Variants in TENM1 observed in about 807,000 individuals in gnomAD.
TENM1 encodes teneurin transmembrane protein 1.
Under a neutral mutation model 174.8 loss-of-function variants are expected in TENM1, and 35 were observed. The observed-to-expected ratio is 0.20, with a 90% CI of 0.15 to 0.27. TENM1 has a LOEUF of 0.27. Among genes scored for constraint, TENM1 ranks in the 10% least tolerant of loss-of-function variants. The pLI, the probability that TENM1 is intolerant of heterozygous loss-of-function variation, is 1.00. For synonymous variants in TENM1, 781 were observed against 798.7 expected (o/e 0.98, Z 0.37); for missense variants, 1,633 against 2,130.1 (o/e 0.77, Z 4.59).
the TENM1 span, among the ~76,000 whole-genome samples, chrX:125,179,394 G>T: frequency 1.8e-5 from 2 of 110,364 alleles, no homozygotes; most frequent in Admixed American, 1.9e-4. Context: ...CAGGAGGACG[G>T]CTTGGGGCCA....
the TENM1 span, among the ~76,000 whole-genome samples, chrX:125,008,975 A>G: frequency 9.0e-6 from 1 of 110,929 alleles, no homozygotes; most frequent in African/African-American, 3.3e-5. Flanking sequence ...TAAAAGAGCT[A>G]GAGAAGCAAG....
intron 22 of TENM1, among the ~76,000 whole-genome samples, chrX:124,459,398 G>A (rs928689170): frequency 1.8e-5 from 2 of 111,065 alleles, no homozygotes; most frequent in African/African-American, 6.6e-5. Context: ...AGGTACTAAT[G>A]TAATTTTTTA....
intron 27 of TENM1, among the ~76,000 whole-genome samples, chrX:124,397,415 G>T (rs900030279): frequency 1.8e-5 from 2 of 111,614 alleles, no homozygotes; most frequent in Non-Finnish European, 3.8e-5. Context: ...TGAACTCTGA[G>T]CTATGATCAC....
intron 10 of TENM1, among the ~76,000 whole-genome samples, chrX:124,643,748 T>C (rs1338804466): frequency 9.0e-6 from 1 of 110,634 alleles, no homozygotes; most frequent in African/African-American, 3.3e-5. Context: ...ATCTTGGTTA[T>C]TCTACAGATA....
intron 11 of TENM1, among the ~76,000 whole-genome samples, chrX:124,614,776 G>A (rs898755434): frequency 3.6e-5 from 4 of 112,126 alleles, no homozygotes; most frequent in Non-Finnish European, 5.6e-5. Flanking sequence ...CCAGCTACTC[G>A]GGAGGCTGAG....
chrX:124,584,739 G>C (rs1329062438), intron 11 of TENM1, among the ~76,000 whole-genome samples: 1 of 111,407 alleles, frequency 9.0e-6, no homozygotes, highest in African/African-American at 3.3e-5. Context: ...ACACAGACTG[G>C]CAAATTGGAT....
At chrX:124,852,504 A>C (rs1276538943) in intron 3 of TENM1, among the ~76,000 whole-genome samples, 1 of 111,326 alleles carries the variant, frequency 9.0e-6, no homozygotes. Context: ...TAAATAAAAA[A>C]ATGTATATAT....
the TENM1 span, among the ~76,000 whole-genome samples, chrX:124,995,471 C>T: frequency 9.0e-6 from 1 of 111,203 alleles, no homozygotes; most frequent in Admixed American, 9.6e-5. Flanking sequence ...TTTCCTGAGT[C>T]CTAGCATAGA....
At chrX:124,383,889 G>A in exon 30 of TENM1, 2 of 1,211,480 alleles carry the variant, frequency 1.7e-6, no homozygotes, top group Non-Finnish European at 2.2e-6. Flanking sequence ...TCGCCATAAG[G>A]TGTGTATAGT....
intron 11 of TENM1, among the ~76,000 whole-genome samples, chrX:124,630,909 T>C (rs2050740327): frequency 8.9e-6 from 1 of 112,141 alleles, no homozygotes; most frequent in African/African-American, 3.2e-5. Context: ...TTGTACTCTT[T>C]ATTTGGCCTA....
intron 5 of TENM1, chrX:124,688,458 T>C (rs1335721308): frequency 1.8e-5 from 2 of 109,965 alleles, no homozygotes; most frequent in South Asian, 4.0e-4. Context: ...CCACTTTATT[T>C]TTCTCCAGAG....
At chrX:124,970,907 C>T in the TENM1 span, among the ~76,000 whole-genome samples, 1 of 110,363 alleles carries the variant, frequency 9.1e-6, no homozygotes, top group Non-Finnish European at 1.9e-5. Context: ...CAATGATACA[C>T]TGGATTAAGA....
chrX:124,484,658 C>A (rs754099299), intron 21 of TENM1, among the ~76,000 whole-genome samples: 1 of 111,137 alleles, frequency 9.0e-6, no homozygotes. Context: ...GCCATATCCC[C>A]ATCAATGAGG....
intron 3 of TENM1, among the ~76,000 whole-genome samples, chrX:124,758,641 C>T (rs752425193): frequency 9.0e-6 from 1 of 111,519 alleles, no homozygotes; most frequent in South Asian, 3.8e-4. Flanking sequence ...TCTAAACGTC[C>T]ATCAAGGGAG....
At chrX:124,988,692 A>G in the TENM1 span, among the ~76,000 whole-genome samples, 13 of 111,911 alleles carry the variant, frequency 1.2e-4, no homozygotes, top group African/African-American at 4.2e-4. Flanking sequence ...AAAAAAGGGT[A>G]CTAAATCATA....
intron 4 of TENM1, among the ~76,000 whole-genome samples, chrX:124,717,901 G>A (rs998030826): frequency 3.6e-5 from 4 of 112,176 alleles, no homozygotes; most frequent in Non-Finnish European, 7.5e-5. Flanking sequence ...ATCTTTGGAT[G>A]ATGGAAATTG....
the TENM1 span, among the ~76,000 whole-genome samples, chrX:125,023,753 G>A: frequency 4.5e-5 from 5 of 111,589 alleles, no homozygotes; most frequent in African/African-American, 1.6e-4. Flanking sequence ...CCTCCCTGAG[G>A]CTAAGACCTA....
the TENM1 span, among the ~76,000 whole-genome samples, chrX:125,047,841 T>A: frequency 3.6e-5 from 4 of 111,511 alleles, no homozygotes; most frequent in Non-Finnish European, 7.5e-5. Flanking sequence ...CTTTTAATTT[T>A]TAGGTTAATT....
the TENM1 span, among the ~76,000 whole-genome samples, chrX:125,153,963 A>G: frequency 8.9e-6 from 1 of 112,452 alleles, no homozygotes; most frequent in Admixed American, 9.4e-5. Context: ...CTGCATTTTA[A>G]TCCTCAAGTC....
Sources: allele counts gnomAD v4.1 joint callset (sites outside exome capture counted in the v4.1 genomes callset), GRCh38; gene constraint gnomAD v4.1.1; transcripts MANE v1.5; gene names NCBI Gene and HGNC (gene_info 2026-07-23, HGNC 2026-07-21).